Variants in CYTH1 observed in about 807,000 individuals in gnomAD.
CYTH1 encodes cytohesin-1.
A neutral mutation model predicts 61.8 loss-of-function variants in CYTH1; 18 were observed. The ratio of observed to expected loss-of-function variants is 0.29; its 90% CI spans 0.20 to 0.43. The LOEUF (loss-of-function observed/expected upper bound fraction) is 0.43, where lower values mean the gene tolerates loss of function less well. CYTH1 is among the 20% of genes least tolerant of loss of function. CYTH1 has a pLI of 1.00. For missense variants in CYTH1, 336 were observed against 510.5 expected (o/e 0.66, Z 3.29); for synonymous variants, 174 against 184.3 (o/e 0.94, Z 0.45).
At chr17:78,715,962 C>G (rs969557080) in intron 1 of CYTH1, among the ~76,000 whole-genome samples, 2 of 152,164 alleles carry the variant, frequency 1.3e-5, no homozygotes, top group Non-Finnish European at 2.9e-5. Context: ...ATGGTCCCCA[C>G]AGCTTCCTCC....
chr17:78,711,971 C>G, intron 1 of CYTH1, among the ~76,000 whole-genome samples: 1 of 151,734 alleles, frequency 6.6e-6, no homozygotes, highest in Middle Eastern at 3.4e-3. Flanking sequence ...TCCAGCTACT[C>G]GGGGGGCTGA....
chr17:78,773,523 G>A (rs7218647), intron 1 of CYTH1, among the ~76,000 whole-genome samples: 83,145 of 151,522 alleles, frequency 0.55, 22,904 homozygotes, highest in East Asian at 0.61. Flanking sequence ...CCGCTACTCA[G>A]GAGGCTGAGG....
chr17:78,698,358 T>C lies in CYTH1; in HGVS notation c.722A>G (p.Asn241Ser), dbSNP rs753680020. ...LLRNLYESIK[N>S]EPFKIPEDDG... ...GTCTTCTGGGATTTTAAAGGGTTCA[T>C]TTTTTATGCTCTCATAGAGATTCTG... Residue 241 changes from asparagine to serine, a missense_variant, in exon 9 of 14, where the codon AAT (asparagine) becomes AGT (serine). Coordinates refer to ENST00000446868, the MANE Select transcript of CYTH1 (RefSeq NM_004762.6). The C allele has an allele frequency of 1.2e-6, 2 of 1,612,534 alleles. No individual in the cohort carries two copies. Among genetic ancestry groups the C allele is most frequent in the Non-Finnish European group, 1.7e-6 (2 of 1,179,158 alleles).
chr17:78,731,528 G>C (rs2093293897), intron 1 of CYTH1, among the ~76,000 whole-genome samples: 1 of 152,086 alleles, frequency 6.6e-6, no homozygotes, highest in African/African-American at 2.4e-5. Context: ...GGGAGGCCGA[G>C]GTGGGCAGAT....
chr17:78,751,135 C>T (rs1203576438), intron 1 of CYTH1, among the ~76,000 whole-genome samples: 4 of 151,940 alleles, frequency 2.6e-5, no homozygotes, highest in East Asian at 1.9e-4. Flanking sequence ...GGGCGCATGG[C>T]GGGGGGACAT....
chr17:78,698,178 C>T (rs976131692), intron 9 of CYTH1, 91 bp downstream of exon 9: 17 of 1,049,716 alleles, frequency 1.6e-5, no homozygotes, highest in East Asian at 7.1e-5. Flanking sequence ...AACACGCACA[C>T]GCGCACACAC....
intron 1 of CYTH1, among the ~76,000 whole-genome samples, chr17:78,728,638 A>G (rs922605290): frequency 1.3e-5 from 2 of 152,242 alleles, no homozygotes; most frequent in African/African-American, 4.8e-5. Context: ...AAAAATATAT[A>G]TGACAATAGT....
At chr17:78,677,103 G>A in intron 13 of CYTH1, 3 of 455,794 alleles carry the variant, frequency 6.6e-6, no homozygotes, top group Admixed American at 2.3e-5. Context: ...AGCTCCCCGG[G>A]GAATGCTAGG....
At chr17:78,719,040 G>A (rs1489641281) in intron 1 of CYTH1, among the ~76,000 whole-genome samples, 1 of 152,196 alleles carries the variant, frequency 6.6e-6, no homozygotes, top group Non-Finnish European at 1.5e-5. Context: ...CACTGAGAAG[G>A]TGATGACTTC....
At chr17:78,734,846 A>C (rs2093313109) in intron 1 of CYTH1, among the ~76,000 whole-genome samples, 1 of 152,154 alleles carries the variant, frequency 6.6e-6, no homozygotes, top group African/African-American at 2.4e-5. Context: ...ACCCTTTCTT[A>C]GGCGTGTTCT....
intron 1 of CYTH1, among the ~76,000 whole-genome samples, chr17:78,750,024 CA>C (rs1442259121): frequency 6.6e-6 from 1 of 152,008 alleles, no homozygotes; most frequent in Non-Finnish European, 1.5e-5. Flanking sequence ...AATCAATGGC[CA>C]GGGGGTGAGA....
intron 1 of CYTH1, among the ~76,000 whole-genome samples, chr17:78,770,057 G>A (rs2144748864): frequency 6.6e-6 from 1 of 152,100 alleles, no homozygotes; most frequent in South Asian, 2.1e-4. Context: ...AGCTGAGGCA[G>A]GAGAATCACC....
At chr17:78,719,859 T>C (rs532893970) in intron 1 of CYTH1, among the ~76,000 whole-genome samples, 3 of 152,202 alleles carry the variant, frequency 2.0e-5, no homozygotes, top group African/African-American at 7.2e-5. Flanking sequence ...TCTATCTACT[T>C]TGGGAAACCA....
At chr17:78,750,507 G>A (rs1004989433) in intron 1 of CYTH1, among the ~76,000 whole-genome samples, 33 of 152,112 alleles carry the variant, frequency 2.2e-4, no homozygotes, top group African/African-American at 7.0e-4. Flanking sequence ...AGTAGTTATT[G>A]TTTAAAAAGT....
At chr17:78,693,640 A>C (rs2092911098) in intron 10 of CYTH1, among the ~76,000 whole-genome samples, 1 of 150,846 alleles carries the variant, frequency 6.6e-6, no homozygotes, top group Non-Finnish European at 1.5e-5. Context: ...GAAAAAAAAA[A>C]GAAAAAAAAA....
intron 7 of CYTH1, 32 bp from the exon 8 acceptor site, chr17:78,699,000 T>A: frequency 4.4e-6 from 7 of 1,603,562 alleles, no homozygotes; most frequent in Non-Finnish European, 5.1e-6. Flanking sequence ...AGGGGAGCCG[T>A]TGCATGCTCA....
At chr17:78,715,224 GTCAGTA>G (rs994047822) in intron 1 of CYTH1, among the ~76,000 whole-genome samples, 12 of 152,078 alleles carry the variant, frequency 7.9e-5, no homozygotes, top group Admixed American at 2.0e-4. Context: ...TCTCGCTGGT[GTCAGTA>G]TAAGAGCCCG....
intron 1 of CYTH1, among the ~76,000 whole-genome samples, chr17:78,781,717 G>C (rs2093518766): frequency 6.6e-6 from 1 of 152,054 alleles, no homozygotes; most frequent in African/African-American, 2.4e-5. Context: ...ACGCGGGCCC[G>C]GCCATCCGCG....
chr17:78,739,906 G>T (rs2093335465), intron 1 of CYTH1, among the ~76,000 whole-genome samples: 1 of 151,012 alleles, frequency 6.6e-6, no homozygotes, highest in Admixed American at 6.6e-5. Context: ...GAGCTTTCTG[G>T]CCTGGCAAGT....
Sources: allele counts gnomAD v4.1 joint callset (sites outside exome capture counted in the v4.1 genomes callset), GRCh38; gene constraint gnomAD v4.1.1; transcripts MANE v1.5; gene names NCBI Gene and HGNC (gene_info 2026-07-23, HGNC 2026-07-21).